The following C13orf46 variants were observed in gnomAD, a reference collection of about 807,000 sequenced individuals.
C13orf46 encodes chromosome 13 open reading frame 46.
At chr13:113,952,814 C>T (rs1475688928), downstream of C13orf46, among the ~76,000 whole-genome samples, 1 of 152,252 alleles carries the variant, frequency 6.6e-6, no homozygotes, top group Non-Finnish European at 1.5e-5. Flanking sequence ...CCATCGACCC[C>T]AGCGCTGCTG....
chr13:113,965,827 ATAATGGTGATGG>A lies in C13orf46; in HGVS notation c.505-845_505-834del, dbSNP rs1180664395. 1.6e-4 allele frequency among the ~76,000 whole-genome samples: 18 copies of A among 110,394 alleles called. 2 individuals carry two copies. The highest frequency in any genetic ancestry group is 7.2e-4 in the African/African-American group (17 of 23,666). 72.4% of individuals were successfully genotyped at this position (110,394 alleles called of 152,430 possible). A position where few individuals can be genotyped will look rare whatever the true frequency, so the allele number is the denominator to read the frequency against. On this transcript the variant is annotated intron_variant, in intron 5 of 6. Coordinates refer to ENST00000636427, the MANE Select transcript of C13orf46 (RefSeq NM_001365455.2). ...GATGATGGTGAAGGTGATGATGGTG[ATAATGGTGATGG>A]TGATGATGGTGATGGTGGTGATGAT...
the C13orf46 span, among the ~76,000 whole-genome samples, chr13:113,942,655 G>A: frequency 2.0e-5 from 3 of 152,198 alleles, no homozygotes; most frequent in African/African-American, 4.8e-5. Flanking sequence ...CAGAGCTGAC[G>A]CGGGCACGGG....
intron 6 of C13orf46, among the ~76,000 whole-genome samples, chr13:113,958,649 G>A (rs1346903711): frequency 6.6e-6 from 1 of 152,260 alleles, no homozygotes; most frequent in Admixed American, 6.5e-5. Context: ...TGGACAGACG[G>A]CTCGCGGGCG....
downstream of C13orf46, among the ~76,000 whole-genome samples, chr13:113,952,567 G>A (rs916320368): frequency 7.2e-5 from 11 of 152,228 alleles, no homozygotes; most frequent in Non-Finnish European, 2.9e-5. Context: ...GGGGACTGAG[G>A]ATAAAACTGA....
At chr13:113,938,355 G>A in the C13orf46 span, among the ~76,000 whole-genome samples, 2 of 152,236 alleles carry the variant, frequency 1.3e-5, no homozygotes, top group South Asian at 4.2e-4. Flanking sequence ...GGGCCTCAGG[G>A]TGCTGAAGGC....
the C13orf46 span, among the ~76,000 whole-genome samples, chr13:113,945,660 G>GA: frequency 1.5e-5 from 2 of 137,256 alleles, no homozygotes; most frequent in African/African-American, 5.3e-5. Context: ...AAGAAAGAAA[G>GA]AAAGAAAGAA....
the C13orf46 span, among the ~76,000 whole-genome samples, chr13:113,937,243 C>T: frequency 5.3e-5 from 8 of 152,186 alleles, no homozygotes; most frequent in African/African-American, 1.9e-4. Context: ...CGGTCCGAGG[C>T]TACAGGACTC....
the C13orf46 span, among the ~76,000 whole-genome samples, chr13:113,934,726 A>G: frequency 1.3e-5 from 2 of 152,224 alleles, no homozygotes; most frequent in African/African-American, 4.8e-5. Flanking sequence ...ACGCATACAC[A>G]CTGGAAAACC....
chr13:113,965,737 G>A (rs2052630951), intron 5 of C13orf46, among the ~76,000 whole-genome samples: 1 of 71,170 alleles, frequency 1.4e-5, no homozygotes, highest in South Asian at 4.8e-4. Flanking sequence ...GATGGTGAAG[G>A]TGATGATGGT....
At chr13:113,927,531 C>T in the C13orf46 span, 34,384 of 398,706 alleles carry the variant, frequency 0.086, 1,688 homozygotes, top group South Asian at 0.21. Context: ...AAGGTAGGGT[C>T]AGCCCAGTCC....
At chr13:113,936,991 T>A in the C13orf46 span, among the ~76,000 whole-genome samples, 1 of 152,206 alleles carries the variant, frequency 6.6e-6, no homozygotes. Flanking sequence ...CCTCTCGTCC[T>A]CGTAGCCTAG....
chr13:113,943,270 T>C, the C13orf46 span, among the ~76,000 whole-genome samples: 1 of 152,330 alleles, frequency 6.6e-6, no homozygotes, highest in East Asian at 1.9e-4. Flanking sequence ...AGTAGCTTGC[T>C]TTTATGCATT....
the C13orf46 span, chr13:113,927,774 C>T: frequency 2.5e-6 from 1 of 396,188 alleles, no homozygotes; most frequent in African/African-American, 2.1e-5. Flanking sequence ...CAGACTCCCA[C>T]TCGGAGGATG....
At chr13:113,945,250 C>T in the C13orf46 span, among the ~76,000 whole-genome samples, 1 of 152,114 alleles carries the variant, frequency 6.6e-6, no homozygotes, top group African/African-American at 2.4e-5. Flanking sequence ...TCTCCCAGGC[C>T]ACACCACATG....
intron 6 of C13orf46, among the ~76,000 whole-genome samples, chr13:113,958,981 T>G (rs918985113): frequency 1.3e-5 from 2 of 152,194 alleles, no homozygotes; most frequent in East Asian, 1.9e-4. Context: ...ATTCTCCTAG[T>G]TGAAAGATAC....
chr13:113,945,725 T>A, the C13orf46 span, among the ~76,000 whole-genome samples: 44 of 152,190 alleles, frequency 2.9e-4, no homozygotes, highest in African/African-American at 1.0e-3. Flanking sequence ...TCAAGGCCCT[T>A]AATACTGTGC....
the C13orf46 span, among the ~76,000 whole-genome samples, chr13:113,945,811 T>C: frequency 6.6e-6 from 1 of 152,206 alleles, no homozygotes; most frequent in African/African-American, 2.4e-5. Flanking sequence ...TCTCTACATA[T>C]TGACCCTTTT....
chr13:113,942,235 G>T, the C13orf46 span, among the ~76,000 whole-genome samples: 5 of 152,176 alleles, frequency 3.3e-5, no homozygotes, highest in African/African-American at 7.2e-5. Flanking sequence ...CCACTGGCCG[G>T]GTCAACACGC....
the C13orf46 span, among the ~76,000 whole-genome samples, chr13:113,945,626 AAGAAAGAAAG>A: frequency 1.5e-5 from 2 of 129,660 alleles, no homozygotes; most frequent in African/African-American, 5.7e-5. Context: ...GAAAGAAAGA[AAGAAAGAAAG>A]AAAGAAAGAA....
Sources: gnomAD v4.1 joint callset for allele counts (sites outside exome capture counted in the v4.1 genomes callset) on GRCh38, gnomAD v4.1.1 for gene constraint, MANE v1.5 for transcripts, NCBI Gene and HGNC (gene_info 2026-07-23, HGNC 2026-07-21) for gene names.